PGBD2: variants seen among roughly 807,000 people sequenced by gnomAD.
The protein encoded by PGBD2 is piggyBac transposable element derived 2, also known as piggyBac transposable element-derived protein 2.
A neutral mutation model predicts 8.1 loss-of-function variants in PGBD2; 6 were observed. That is an observed-to-expected ratio of 0.74 (90% CI 0.40 to 1.46). The LOEUF is 1.46. PGBD2 is among the 40% of genes most tolerant of loss of function. The probability of loss-of-function intolerance (pLI) is 0.02; values close to 1 mark genes in which losing one functional copy is unlikely to be tolerated. For missense variants in PGBD2, 802 were observed against 739.0 expected, an observed-to-expected ratio of 1.09 and a Z score of -0.99; for synonymous variants, 318 against 272.2, an observed-to-expected ratio of 1.17 and a Z score of -1.66.
At chr1:248,889,157 T>A in the PGBD2 span, among the ~76,000 whole-genome samples, 1 of 152,134 alleles carries the variant, frequency 6.6e-6, no homozygotes, top group African/African-American at 2.4e-5. Context: ...GAGGCCAAGG[T>A]GGGCAGATCA....
chr1:248,912,279 G>A (rs1369390111), intron 1 of PGBD2, among the ~76,000 whole-genome samples: 1 of 152,156 alleles, frequency 6.6e-6, no homozygotes, highest in Non-Finnish European at 1.5e-5. Context: ...TTTACTGACA[G>A]GGTCAGGGCG....
the PGBD2 span, among the ~76,000 whole-genome samples, chr1:248,880,837 C>T: frequency 6.6e-6 from 1 of 152,062 alleles, no homozygotes; most frequent in South Asian, 2.1e-4. Flanking sequence ...GGTGTCTGGG[C>T]TTGTGTTTTT....
At chr1:248,925,386 C>G in the PGBD2 span, among the ~76,000 whole-genome samples, 1 of 152,182 alleles carries the variant, frequency 6.6e-6, no homozygotes, top group African/African-American at 2.4e-5. Flanking sequence ...TTCTAAAACC[C>G]ACATGTAATG....
At chr1:248,924,937 A>G (rs1662353880), downstream of PGBD2, among the ~76,000 whole-genome samples, 1 of 152,202 alleles carries the variant, frequency 6.6e-6, no homozygotes, top group African/African-American at 2.4e-5. Flanking sequence ...CTGGGAGCAA[A>G]TGTGACTATA....
chr1:248,927,148 C>CA, the PGBD2 span, among the ~76,000 whole-genome samples: 1 of 152,156 alleles, frequency 6.6e-6, no homozygotes, highest in East Asian at 1.9e-4. Flanking sequence ...TAGAGCCAGA[C>CA]AGACATCCTT....
At chr1:248,878,302 C>T in the PGBD2 span, among the ~76,000 whole-genome samples, 2 of 152,120 alleles carry the variant, frequency 1.3e-5, no homozygotes, top group Admixed American at 1.3e-4. Flanking sequence ...GCCTCAGCCT[C>T]CCGAGTAGCT....
In PGBD2 at chr1:248,917,467, A is replaced by C; in HGVS notation, c.883A>C (p.Lys295Gln). Residue 295 changes from lysine (K) to glutamine (Q), a missense_variant, in exon 3 of 3, where the codon AAG becomes CAG. Coordinates refer to ENST00000329291, the MANE Select transcript of PGBD2 (RefSeq NM_170725.3). ...HRGKPVRLGY[K>Q]IWCGTTSRGY... ...GGGGAAGCCTGTGCGACTTGGCTAC[A>C]AGATTTGGTGTGGGACAACCAGCAG... 6.2e-7 allele frequency: 1 copy of C among 1,614,100 alleles called. No homozygotes were observed. Among genetic ancestry groups the C allele is most frequent in the Non-Finnish European group, 8.5e-7 (1 of 1,180,022 alleles).
At chr1:248,896,023 C>T in the PGBD2 span, among the ~76,000 whole-genome samples, 1 of 152,010 alleles carries the variant, frequency 6.6e-6, no homozygotes, top group Admixed American at 6.6e-5. Flanking sequence ...CCCTCCGACC[C>T]TTCCCCCGCC....
the PGBD2 span, among the ~76,000 whole-genome samples, chr1:248,877,528 C>T: frequency 1.3e-5 from 2 of 151,934 alleles, no homozygotes; most frequent in African/African-American, 4.8e-5. Context: ...GCTTATAGGC[C>T]ATCTTGAGGT....
chr1:248,873,964 T>A, the PGBD2 span, among the ~76,000 whole-genome samples: 3 of 152,118 alleles, frequency 2.0e-5, no homozygotes, highest in African/African-American at 4.8e-5. Context: ...TCTGACACAT[T>A]CGTTTTATTA....
chr1:248,930,091 T>G, the PGBD2 span, among the ~76,000 whole-genome samples: 3 of 152,234 alleles, frequency 2.0e-5, no homozygotes, highest in Non-Finnish European at 4.4e-5. Context: ...TGGGCTTTAC[T>G]TTCACATGTT....
chr1:248,891,984 G>A, the PGBD2 span, among the ~76,000 whole-genome samples: 7 of 152,294 alleles, frequency 4.6e-5, no homozygotes, highest in South Asian at 2.1e-4. Context: ...AAAAAAAGGC[G>A]TCGCCTGTGT....
At chr1:248,914,764 A>G (rs1015912537) in intron 2 of PGBD2, among the ~76,000 whole-genome samples, 1 of 151,770 alleles carries the variant, frequency 6.6e-6, no homozygotes, top group Non-Finnish European at 1.5e-5. Context: ...TCCATGGTTC[A>G]CCCCCACCCC....
chr1:248,878,355 T>G, the PGBD2 span, among the ~76,000 whole-genome samples: 1 of 152,020 alleles, frequency 6.6e-6, no homozygotes, highest in Non-Finnish European at 1.5e-5. Flanking sequence ...GTTTTTGTAT[T>G]TTTTGTAGAG....
chr1:248,916,686 G>T lies in PGBD2; in HGVS notation c.102G>T (p.Glu34Asp), dbSNP rs1662108246. The T allele has an allele frequency of 6.2e-7, 1 of 1,614,176 alleles. No homozygotes were observed. Among genetic ancestry groups the T allele is most frequent in the African/African-American group, 1.3e-5 (1 of 75,032 alleles). Reference sequence around the variant, plus strand: ...TTCTGAATGCTATGGAGGAGGAAGAGTCCAACAACAACAGGGAAGAGATTT... The same window carrying T: ...TTCTGAATGCTATGGAGGAGGAAGATTCCAACAACAACAGGGAAGAGATTT... ...LEVLNAMEEE[E>D]SNNNREEIFI... The change falls in exon 3 of 3, where the codon GAG becomes GAT. Residue 34 changes from glutamate to aspartate, a missense_variant. Coordinates refer to ENST00000329291, the MANE Select transcript of PGBD2 (RefSeq NM_170725.3).
the PGBD2 span, among the ~76,000 whole-genome samples, chr1:248,929,845 C>G: frequency 2.6e-5 from 4 of 152,160 alleles, no homozygotes; most frequent in Non-Finnish European, 4.4e-5. Flanking sequence ...AAGAAATGCA[C>G]GTCTTTTTTC....
chr1:248,900,036 G>A, the PGBD2 span, among the ~76,000 whole-genome samples: 3 of 142,254 alleles, frequency 2.1e-5, no homozygotes, highest in Admixed American at 7.2e-5. Flanking sequence ...CCAGGAAGAA[G>A]TTGAGTCCCT....
At chr1:248,904,519 T>C (rs748271353), upstream of PGBD2, among the ~76,000 whole-genome samples, 1 of 152,190 alleles carries the variant, frequency 6.6e-6, no homozygotes, top group Non-Finnish European at 1.5e-5. Context: ...CTCTGGATCA[T>C]AAAGGTATGG....
chr1:248,905,696 T>C (rs891496310), upstream of PGBD2, among the ~76,000 whole-genome samples: 1 of 152,218 alleles, frequency 6.6e-6, no homozygotes, highest in Non-Finnish European at 1.5e-5. Flanking sequence ...CTGCCTCCTA[T>C]AATGCACAGG....
Sources: allele counts gnomAD v4.1 joint callset (sites outside exome capture counted in the v4.1 genomes callset), GRCh38; gene constraint gnomAD v4.1.1; transcripts MANE v1.5; gene names NCBI Gene and HGNC (gene_info 2026-07-23, HGNC 2026-07-21).